Variants in MYO1E observed in about 807,000 individuals in gnomAD.
The protein encoded by MYO1E is myosin IE.
MYO1E carries 68 observed loss-of-function variants against 151.1 expected under a neutral mutation model. The observed-to-expected ratio is 0.45, with a 90% CI of 0.37 to 0.55. MYO1E has a LOEUF of 0.55. Ranked by LOEUF, MYO1E falls within the 20% of genes least tolerant of loss-of-function variation. MYO1E has a pLI of 0.00. For synonymous variants in MYO1E, 601 were observed against 501.7 expected (o/e 1.20, Z -2.64); for missense variants, 1,363 against 1,389.3 (o/e 0.98, Z 0.30).
intron 4 of MYO1E, among the ~76,000 whole-genome samples, chr15:59,237,246 A>C (rs2080072452): frequency 6.6e-6 from 1 of 152,226 alleles, no homozygotes; most frequent in African/African-American, 2.4e-5. Context: ...AAAAAAAGAA[A>C]AGAAAAAGTG....
chr15:59,233,671 A>AAAAAAAAAAAAAAAAAAAAAAAAAAAC (rs2080042506), intron 5 of MYO1E, among the ~76,000 whole-genome samples: 1 of 150,008 alleles, frequency 6.7e-6, no homozygotes. Context: ...TAAAAAAAAA[A>AAAAAAAAAAAAAAAAAAAAAAAAAAAC]AAAAAAAAAA....
chr15:59,186,996 G>C (rs1436780229), intron 18 of MYO1E, among the ~76,000 whole-genome samples: 1 of 152,104 alleles, frequency 6.6e-6, no homozygotes, highest in East Asian at 1.9e-4. Flanking sequence ...ATTTATACAT[G>C]GATTGTACAA....
chr15:59,321,136 A>G (rs566394567), intron 1 of MYO1E, among the ~76,000 whole-genome samples: 1 of 152,370 alleles, frequency 6.6e-6, no homozygotes, highest in Non-Finnish European at 1.5e-5. Flanking sequence ...ACAATGAGAT[A>G]CAATCTCACA....
intron 3 of MYO1E, 121 bp downstream of exon 3, chr15:59,261,299 A>G: frequency 1.9e-6 from 1 of 532,178 alleles, no homozygotes; most frequent in Non-Finnish European, 3.4e-6. Context: ...ATGTCACTCA[A>G]GTTTCTCCAA....
chr15:59,273,026 C>T (rs1421966541), intron 1 of MYO1E, among the ~76,000 whole-genome samples: 1 of 152,206 alleles, frequency 6.6e-6, no homozygotes, highest in Non-Finnish European at 1.5e-5. Flanking sequence ...CACTGTCATA[C>T]GTGTAATACT....
intron 2 of MYO1E, among the ~76,000 whole-genome samples, chr15:59,270,560 G>GAA (rs1489008982): frequency 7.4e-6 from 1 of 134,728 alleles, no homozygotes; most frequent in Non-Finnish European, 1.6e-5. Flanking sequence ...AAAAAAAAAA[G>GAA]AAAAGAAAAA....
chr15:59,195,402 C>A, intron 17 of MYO1E, 59 bp downstream of exon 17: 2 of 1,430,674 alleles, frequency 1.4e-6, no homozygotes, highest in South Asian at 2.3e-5. Context: ...TGGAGGACGG[C>A]TCATCTTGAG....
At chr15:59,194,909 C>A (rs1368578403) in intron 17 of MYO1E, among the ~76,000 whole-genome samples, 1 of 152,222 alleles carries the variant, frequency 6.6e-6, no homozygotes, top group Non-Finnish European at 1.5e-5. Context: ...AATTCTTGTG[C>A]TCTGCATTTC....
chr15:59,179,931 AG>A, intron 18 of MYO1E, among the ~76,000 whole-genome samples: 1 of 152,240 alleles, frequency 6.6e-6, no homozygotes, highest in Admixed American at 6.5e-5. Flanking sequence ...CCCAGGCAAT[AG>A]GCCCCCAGGC....
At chr15:59,223,655 C>T (rs997264852) in intron 8 of MYO1E, among the ~76,000 whole-genome samples, 1 of 152,204 alleles carries the variant, frequency 6.6e-6, no homozygotes, top group Non-Finnish European at 1.5e-5. Flanking sequence ...GACTCGAGAT[C>T]TTTCCCTTCA....
At chr15:59,333,645 G>C (rs1409156877) in intron 1 of MYO1E, among the ~76,000 whole-genome samples, 2 of 152,180 alleles carry the variant, frequency 1.3e-5, no homozygotes, top group Admixed American at 6.5e-5. Flanking sequence ...CCATTGGTGA[G>C]TGGGTATCCT....
At position 59,214,281 on chromosome 15, in the gene MYO1E, C is replaced by T. The variant is rs1309540713; in HGVS notation, c.1222G>A (p.Val408Ile). Residue 408 changes from valine to isoleucine, a missense_variant, in exon 12 of 28, where the codon GTT becomes ATT. Coordinates refer to ENST00000288235, the MANE Select transcript of MYO1E (RefSeq NM_004998.4). ...AAAATCTGCTGCAGTTTTTCATTAA[C>T]AAAATTGATACAAAACTGTTCAAAG... is the stretch of plus-strand genomic sequence containing the variant. Reference protein sequence around the residue: ...NGFEQFCINFVNEKLQQIFIE... With the variant: ...NGFEQFCINFINEKLQQIFIE... 2 of 1,612,294 alleles carry T rather than the reference C, an allele frequency of 1.2e-6. No homozygotes were observed. Among genetic ancestry groups the T allele is most frequent in the East Asian group, 4.5e-5 (2 of 44,808 alleles).
Position 59,137,244 on chromosome 15 carries a change from G to T in MYO1E, c.*136C>A, listed in dbSNP as rs2079378575. 8 of 797,756 alleles carry T rather than the reference G, an allele frequency of 1.0e-5. No individual in the cohort carries two copies. The East Asian group carries it at 1.6e-4, about 16-fold the overall frequency. The allele number at this position is 797,756 out of a possible 1,614,324, so 49.4% of individuals were successfully genotyped here. On this transcript the variant is annotated 3_prime_UTR_variant, in exon 28 of 28. Transcript: ENST00000288235. ...ACCCAGCCTTTTCAGTGTCCTCCAT[G>T]GGGAAGGTACCAGAATAGCTCCAGG...
At position 59,214,414 on chromosome 15, in the gene MYO1E, A is replaced by C. The variant is rs2079900826; in HGVS notation, c.1189-100T>G. On this transcript the variant is annotated intron_variant, in intron 11 of 27. Coordinates refer to ENST00000288235, the MANE Select transcript of MYO1E (RefSeq NM_004998.4). ...AAATGTCTTCATGTGAAAAGCTTTA[A>C]TAGAAATGTTGGATGCATCAAAAGA... 3 of 1,007,426 alleles carry C rather than the reference A, an allele frequency of 3.0e-6. No homozygotes were observed. In the South Asian group the frequency reaches 4.2e-5, roughly 14 times the overall value. The allele number at this position is 1,007,426 out of a possible 1,614,324, so 62.4% of individuals were successfully genotyped here. A position where few individuals can be genotyped will look rare whatever the true frequency, so the allele number is the denominator to read the frequency against.
At chr15:59,251,240 G>C (rs1197066525) in intron 4 of MYO1E, among the ~76,000 whole-genome samples, 1 of 152,134 alleles carries the variant, frequency 6.6e-6, no homozygotes, top group African/African-American at 2.4e-5. Flanking sequence ...ACCTGCATCT[G>C]ATCAAGTCAT....
intron 19 of MYO1E, among the ~76,000 whole-genome samples, chr15:59,174,542 A>G (rs772661030): frequency 2.0e-4 from 30 of 152,170 alleles, no homozygotes; most frequent in Non-Finnish European, 3.5e-4. Context: ...GAGCGATTCA[A>G]TGCTTCTCCA....
At chr15:59,309,876 C>T (rs773556530) in intron 1 of MYO1E, among the ~76,000 whole-genome samples, 5 of 152,180 alleles carry the variant, frequency 3.3e-5, no homozygotes, top group South Asian at 2.1e-4. Flanking sequence ...GGATTATATA[C>T]CCCACCCACC....
chr15:59,196,866 G>A (rs2079769300), intron 16 of MYO1E, among the ~76,000 whole-genome samples: 1 of 152,072 alleles, frequency 6.6e-6, no homozygotes, highest in Non-Finnish European at 1.5e-5. Flanking sequence ...AACACATCAG[G>A]TGGAGCCGGA....
intron 5 of MYO1E, among the ~76,000 whole-genome samples, chr15:59,234,209 C>A (rs1254750293): frequency 7.8e-6 from 1 of 128,310 alleles, no homozygotes; most frequent in Non-Finnish European, 1.6e-5. Flanking sequence ...CATCACTGAT[C>A]ACTGATGGAT....
Sources: gnomAD v4.1 joint callset for allele counts (sites outside exome capture counted in the v4.1 genomes callset) on GRCh38, gnomAD v4.1.1 for gene constraint, MANE v1.5 for transcripts, NCBI Gene and HGNC (gene_info 2026-07-23, HGNC 2026-07-21) for gene names.